The following GPR158 variants were observed in gnomAD, a reference collection of about 807,000 sequenced individuals.
GPR158 encodes G protein-coupled receptor 158.
GPR158 carries 30 observed loss-of-function variants against 78.2 expected under a neutral mutation model. The ratio of observed to expected loss-of-function variants is 0.38; its 90% CI spans 0.29 to 0.52. GPR158 has a LOEUF of 0.52. GPR158 is among the 20% of genes least tolerant of loss of function. The probability of loss-of-function intolerance (pLI) is 0.83; values close to 1 mark genes in which losing one functional copy is unlikely to be tolerated. For missense variants in GPR158, 1,463 were observed against 1,523.5 expected, an observed-to-expected ratio of 0.96 and a Z score of 0.66; for synonymous variants, 581 against 591.1, an observed-to-expected ratio of 0.98 and a Z score of 0.25.
intron 1 of GPR158, among the ~76,000 whole-genome samples, chr10:25,188,475 A>G (rs1407998953): frequency 1.3e-5 from 2 of 152,160 alleles, no homozygotes; most frequent in South Asian, 4.1e-4. Context: ...CAGAAATAAT[A>G]CCACACATCT....
At chr10:25,545,944 G>A (rs1380173101) in intron 5 of GPR158, among the ~76,000 whole-genome samples, 1 of 152,062 alleles carries the variant, frequency 6.6e-6, no homozygotes, top group Non-Finnish European at 1.5e-5. Flanking sequence ...ATTACAGAAA[G>A]AATTATTTCC....
intron 2 of GPR158, among the ~76,000 whole-genome samples, chr10:25,335,681 C>T (rs367732842): frequency 1.5e-4 from 23 of 152,090 alleles, no homozygotes; most frequent in African/African-American, 4.8e-4. Flanking sequence ...ATTTGTAAAA[C>T]AATTTTAGCA....
chr10:25,175,308 C>G lies in GPR158; in HGVS notation c.-113C>G. 1 of 656,114 alleles carries G rather than the reference C, an allele frequency of 1.5e-6. No individual in the cohort carries two copies. 40.6% of individuals were successfully genotyped at this position (656,114 alleles called of 1,614,324 possible). A position where few individuals can be genotyped will look rare whatever the true frequency, so the allele number is the denominator to read the frequency against. On this transcript the variant is annotated 5_prime_UTR_variant, in exon 1 of 11. In the 5' UTR this introduces an upstream ATG that the reference lacks. Transcript: ENST00000376351. This position sits in a 1 kb window ranked among gnomAD's most constrained non-coding sequence, Gnocchi z 6.4. ...TCAAGTCCTTTGGACTGGGTGCCAT[C>G]TGGAGAAGGGGGAAGACTCCTCGAA...
intron 2 of GPR158, among the ~76,000 whole-genome samples, chr10:25,347,196 T>G (rs1181951311): frequency 2.0e-5 from 3 of 151,938 alleles, no homozygotes; most frequent in Admixed American, 2.0e-4. Context: ...AGAAGTGGTT[T>G]CCTTGTCTGT....
intron 2 of GPR158, among the ~76,000 whole-genome samples, chr10:25,391,851 A>T (rs1405344670): frequency 1.3e-5 from 2 of 152,150 alleles, no homozygotes; most frequent in Non-Finnish European, 2.9e-5. Context: ...CCCAAATCTC[A>T]TCTTGAATTG....
At chr10:25,299,870 A>G (rs1854566009) in intron 2 of GPR158, among the ~76,000 whole-genome samples, 1 of 152,092 alleles carries the variant, frequency 6.6e-6, no homozygotes, top group Non-Finnish European at 1.5e-5. Context: ...TATGTCATCC[A>G]GGCTGGAGTG....
intron 2 of GPR158, among the ~76,000 whole-genome samples, chr10:25,349,763 A>G (rs1308192401): frequency 1.4e-5 from 2 of 146,414 alleles, no homozygotes; most frequent in Admixed American, 1.3e-4. Flanking sequence ...CAATGGATTA[A>G]TTCACCATGT....
intron 5 of GPR158, among the ~76,000 whole-genome samples, chr10:25,488,609 C>G (rs995659220): frequency 2.7e-4 from 41 of 152,218 alleles, no homozygotes; most frequent in African/African-American, 9.1e-4. Flanking sequence ...ATACAGGCTT[C>G]GTTTTGTGGA....
intron 4 of GPR158, among the ~76,000 whole-genome samples, chr10:25,465,251 C>T (rs896522752): frequency 6.6e-6 from 1 of 152,152 alleles, no homozygotes. Flanking sequence ...AAGATATTTA[C>T]ACCACGTGTA....
chr10:25,217,787 T>C (rs1324563583), intron 1 of GPR158, among the ~76,000 whole-genome samples: 2 of 152,160 alleles, frequency 1.3e-5, no homozygotes, highest in East Asian at 3.9e-4. Flanking sequence ...AATGGACAAA[T>C]AGAGGAAAAT....
At chr10:25,332,511 G>A (rs535998950) in intron 2 of GPR158, among the ~76,000 whole-genome samples, 1 of 152,170 alleles carries the variant, frequency 6.6e-6, no homozygotes, top group Non-Finnish European at 1.5e-5. Flanking sequence ...ATAGAACATG[G>A]CACACAACTC....
chr10:25,275,618 C>T (rs564190867), intron 2 of GPR158, among the ~76,000 whole-genome samples: 18 of 152,126 alleles, frequency 1.2e-4, no homozygotes, highest in Non-Finnish European at 2.2e-4. Flanking sequence ...CTTCCTTATT[C>T]ATCTTTTATT....
rs112562725 is a variant in GPR158 at position 25,447,415 on chromosome 10, A to T, written c.1336-19236A>T. On this transcript the variant is annotated intron_variant, in intron 4 of 10. Transcript: ENST00000376351. Reference sequence around the variant, plus strand: ...TAAAGACTGCAAAGCTTATACATTTAGTTACCACCTTATGTGTGGTGCTCT... The same window carrying T: ...TAAAGACTGCAAAGCTTATACATTTTGTTACCACCTTATGTGTGGTGCTCT... Among the ~76,000 whole-genome samples, 337 of 152,352 alleles carry T rather than the reference A, an allele frequency of 2.2e-3. 3 individuals are homozygous for T. Among genetic ancestry groups the T allele is most frequent in the African/African-American group, 7.5e-3 (312 of 41,586 alleles).
intron 4 of GPR158, among the ~76,000 whole-genome samples, chr10:25,430,378 A>G (rs1427606838): frequency 6.6e-6 from 1 of 150,804 alleles, no homozygotes; most frequent in Non-Finnish European, 1.5e-5. Context: ...AAACAAATGG[A>G]AGAACATTCC....
At chr10:25,551,188 G>T in intron 6 of GPR158, 103 bp downstream of exon 6, 1 of 721,616 alleles carries the variant, frequency 1.4e-6, no homozygotes, top group South Asian at 1.5e-5. Flanking sequence ...TCAGTTTCAA[G>T]AATTTACATA....
At chr10:25,529,297 G>A (rs998129798) in intron 5 of GPR158, among the ~76,000 whole-genome samples, 4 of 152,102 alleles carry the variant, frequency 2.6e-5, no homozygotes, top group Admixed American at 2.6e-4. Flanking sequence ...TGAGGCAGGA[G>A]AATCACTTGA....
chr10:25,276,712 T>C (rs142815670), intron 2 of GPR158, among the ~76,000 whole-genome samples: 1 of 152,262 alleles, frequency 6.6e-6, no homozygotes, highest in East Asian at 1.9e-4. Context: ...GAGAACAGAA[T>C]CTGCTGAGCA....
chr10:25,204,617 TG>T (rs1397579089), intron 1 of GPR158, among the ~76,000 whole-genome samples: 2 of 152,200 alleles, frequency 1.3e-5, no homozygotes, highest in African/African-American at 4.8e-5. Flanking sequence ...TTGATCATGG[TG>T]GATAAGCTTT....
intron 2 of GPR158, among the ~76,000 whole-genome samples, chr10:25,303,060 A>G (rs1854622432): frequency 1.3e-5 from 2 of 152,206 alleles, no homozygotes; most frequent in Non-Finnish European, 2.9e-5. Context: ...GAGAAATTAG[A>G]TATGAAGACA....
Sources: allele counts gnomAD v4.1 joint callset (sites outside exome capture counted in the v4.1 genomes callset), GRCh38; gene constraint gnomAD v4.1.1; non-coding constraint Gnocchi (gnomAD v3.1); transcripts MANE v1.5; gene names NCBI Gene and HGNC (gene_info 2026-07-23, HGNC 2026-07-21).